Variants in NCKAP5L observed in about 807,000 individuals in gnomAD.
NCKAP5L encodes NCK associated protein 5 like.
NCKAP5L carries 54 observed loss-of-function variants against 103.2 expected under a neutral mutation model. The ratio of observed to expected loss-of-function variants is 0.52; its 90% confidence interval spans 0.42 to 0.66. The LOEUF is 0.66. Among genes scored for constraint, NCKAP5L ranks in the 30% least tolerant of loss-of-function variants. NCKAP5L has a pLI of 0.00. For missense variants in NCKAP5L, 1,733 were observed against 1,750.6 expected, an observed-to-expected ratio of 0.99 and a Z score of 0.18; for synonymous variants, 762 against 748.6, an observed-to-expected ratio of 1.02 and a Z score of -0.29.
At chr12:49,813,495 T>A (rs1448700835) in intron 1 of NCKAP5L, among the ~76,000 whole-genome samples, 1 of 152,180 alleles carries the variant, frequency 6.6e-6, no homozygotes, top group East Asian at 1.9e-4. Flanking sequence ...GGATTGTGTC[T>A]TTTTATTATC....
At chr12:49,825,941 A>T (rs1946411841) in intron 1 of NCKAP5L, among the ~76,000 whole-genome samples, 1 of 151,862 alleles carries the variant, frequency 6.6e-6, no homozygotes, top group East Asian at 1.9e-4. Context: ...GCAAGTCCCA[A>T]CCTGGAGAGC....
chr12:49,805,591 G>C (rs1226401849), intron 2 of NCKAP5L: 1 of 152,174 alleles, frequency 6.6e-6, no homozygotes, highest in Non-Finnish European at 1.5e-5. Context: ...AGAAAAATGG[G>C]GTTGGGCGTG....
chr12:49,791,807 G>A lies in NCKAP5L; in HGVS notation c.*32C>T, dbSNP rs2136987791. On this transcript the variant is annotated 3_prime_UTR_variant, in exon 13 of 13. Transcript: ENST00000335999. ...GAGCCGGTCCAGTCTGTGGTCCCCA[G>A]CTCCAGCGGGGCCGTGGCGTGGCGC... 6.6e-7 allele frequency: 1 copy of A among 1,521,176 alleles called. No individual in the cohort carries two copies. The highest frequency in any genetic ancestry group is 1.4e-5 in the African/African-American group (1 of 72,810). The allele number at this position is 1,521,176 out of a possible 1,614,324, so 94.2% of individuals were successfully genotyped here.
At chr12:49,802,676 C>T (rs949919629) in intron 5 of NCKAP5L, 2 of 494,934 alleles carry the variant, frequency 4.0e-6, no homozygotes, top group African/African-American at 1.9e-5. Flanking sequence ...GCCATTTAGG[C>T]TCACAACATC....
chr12:49,827,881 T>C (rs1447744057), intron 1 of NCKAP5L, among the ~76,000 whole-genome samples: 2 of 152,134 alleles, frequency 1.3e-5, no homozygotes, highest in East Asian at 3.9e-4. Context: ...GCGCCTGCGC[T>C]TTGGGGAGAG....
chr12:49,818,787 TA>T (rs1946328909), intron 1 of NCKAP5L, among the ~76,000 whole-genome samples: 1 of 151,996 alleles, frequency 6.6e-6, no homozygotes, highest in Non-Finnish European at 1.5e-5. Flanking sequence ...TAGAATATTA[TA>T]AAAAAGACAA....
intron 5 of NCKAP5L, 96 bp downstream of exon 5, chr12:49,802,862 G>A: frequency 1.4e-6 from 2 of 1,396,096 alleles, no homozygotes; most frequent in Non-Finnish European, 2.0e-6. Context: ...GGAATCACTG[G>A]AGGGCAACAG....
At position 49,795,961 on chromosome 12, in the gene NCKAP5L, G is replaced by A. The variant is rs376915524; in HGVS notation, c.1899C>T (p.Pro633=). The change falls in exon 8 of 13, where the codon CCC becomes CCT. Residue 633 remains proline, a synonymous_variant. Transcript: ENST00000335999. ...ATGAGTTGCCTGGGGTCCTGCGGCC[G>A]GGATGGGGAGACTCCGAGCCTGCCT... is the stretch of plus-strand genomic sequence containing the variant. ...LDKAGSESPH[P]GRRTPGNSSK... 6.7e-5 allele frequency: 103 copies of A among 1,533,348 alleles called. No homozygotes were observed. Among genetic ancestry groups the A allele is most frequent in the Admixed American group, 1.6e-4 (7 of 44,608 alleles). The allele number at this position is 1,533,348 out of a possible 1,614,324, so 95.0% of individuals were successfully genotyped here.
chr12:49,792,574 G>A lies in NCKAP5L; in HGVS notation c.3664C>T (p.Pro1222Ser). 1.2e-6 allele frequency: 2 copies of A among 1,613,766 alleles called. No individual in the cohort carries two copies. The highest frequency in any genetic ancestry group is 8.5e-7 in the Non-Finnish European group (1 of 1,179,826). The change falls in exon 12 of 13, where the codon CCA becomes TCA. Residue 1222 changes from proline (P) to serine (S), a missense_variant. Coordinates refer to ENST00000335999, the MANE Select transcript of NCKAP5L (RefSeq NM_001037806.4). The surrounding 1 kb of genome is among the most constrained non-coding windows in gnomAD (Gnocchi z 4.5). ...ETCPDDPCEDPGPTPPVQLAK... is the reference protein window; with the variant it reads ...ETCPDDPCEDSGPTPPVQLAK... ...AGCTGGACAGGAGGGGTGGGGCCTG[G>A]GTCTTCACAGGGATCTGTCCAGGAA...
At chr12:49,807,246 C>CGTGTGTGTGTGTGTGT (rs67299530) in intron 1 of NCKAP5L, among the ~76,000 whole-genome samples, 1 of 149,258 alleles carries the variant, frequency 6.7e-6, no homozygotes, top group African/African-American at 2.4e-5. Flanking sequence ...AATGCTTCTT[C>CGTGTGTGTGTGTGTGT]GTGTGTGTGT....
At chr12:49,827,519 G>A (rs1158609530) in intron 1 of NCKAP5L, among the ~76,000 whole-genome samples, 1 of 152,230 alleles carries the variant, frequency 6.6e-6, no homozygotes, top group African/African-American at 2.4e-5. Flanking sequence ...ACAGGGAGAG[G>A]GGAGCTAGGA....
chr12:49,797,108 A>G lies in NCKAP5L; in HGVS notation c.752T>C (p.Leu251Pro). The change falls in exon 8 of 13, where the codon CTG (leucine) becomes CCG (proline). Residue 251 changes from leucine (L) to proline (P), a missense_variant. Transcript: ENST00000335999. The surrounding 1 kb of genome is among the most constrained non-coding windows in gnomAD (Gnocchi z 4.5). ...GCGCTCCCAGTGCAGCAGGCCTCCC[A>G]GGTTGCCAGGGCCTAGCAGCAGGCA... Reference protein sequence around the residue: ...APCLLLGPGNLGGLLHWERLL... With the variant: ...APCLLLGPGNPGGLLHWERLL... 1 of 1,594,938 alleles carries G rather than the reference A, an allele frequency of 6.3e-7. No individual in the cohort carries two copies. The highest frequency in any genetic ancestry group is 8.5e-7 in the Non-Finnish European group (1 of 1,171,154).
At chr12:49,794,363 A>G (rs1215931823) in intron 8 of NCKAP5L, among the ~76,000 whole-genome samples, 1 of 152,124 alleles carries the variant, frequency 6.6e-6, no homozygotes, top group Non-Finnish European at 1.5e-5. Flanking sequence ...TCTTTAAACC[A>G]CAACTCCTGT....
intron 1 of NCKAP5L, among the ~76,000 whole-genome samples, chr12:49,818,203 CA>C (rs1257981877): frequency 1.3e-5 from 2 of 151,436 alleles, no homozygotes; most frequent in Non-Finnish European, 2.9e-5. Flanking sequence ...AAATAAAATA[CA>C]GGGTAAAAAC....
At chr12:49,800,339 C>G (rs537500523) in intron 6 of NCKAP5L, among the ~76,000 whole-genome samples, 1 of 152,388 alleles carries the variant, frequency 6.6e-6, no homozygotes. Context: ...CCTCCCTGAG[C>G]TCCCAACAGT....
chr12:49,826,104 T>C (rs981444498), intron 1 of NCKAP5L, among the ~76,000 whole-genome samples: 64 of 151,796 alleles, frequency 4.2e-4, no homozygotes, highest in Non-Finnish European at 7.1e-4. Context: ...CCTTAGCCCC[T>C]TGCCTGGGAC....
intron 7 of NCKAP5L, 106 bp downstream of exon 7, chr12:49,798,244 A>T: frequency 9.2e-7 from 1 of 1,088,776 alleles, no homozygotes; most frequent in Non-Finnish European, 1.4e-6. Context: ...TCGGCTGCTC[A>T]CACTTCCAGC....
At chr12:49,822,342 T>C (rs1458057014) in intron 1 of NCKAP5L, among the ~76,000 whole-genome samples, 3 of 152,114 alleles carry the variant, frequency 2.0e-5, no homozygotes, top group Non-Finnish European at 2.9e-5. Context: ...AGAGCCGACA[T>C]AGGCGGCAGG....
rs761547348 is a variant in NCKAP5L at position 49,793,828 on chromosome 12, G to A, written c.3164C>T (p.Pro1055Leu). Reference sequence around the variant, plus strand: ...GGGGCTCTTGGGGTCAGAAGACACCGGCTGGAAATCCCCGTACTCAGGCTT... The same window carrying A: ...GGGGCTCTTGGGGTCAGAAGACACCAGCTGGAAATCCCCGTACTCAGGCTT... ...EPKPEYGDFQ[P>L]VSSDPKSPWP... The change falls in exon 9 of 13, where the codon CCG becomes CTG. Residue 1055 changes from proline to leucine, a missense_variant. Transcript: ENST00000335999. 3.6e-5 allele frequency: 58 copies of A among 1,591,764 alleles called. No individual in the cohort carries two copies. The highest frequency in any genetic ancestry group is 3.3e-4 in the Middle Eastern group (2 of 6,048).
Sources: allele counts gnomAD v4.1 joint callset (sites outside exome capture counted in the v4.1 genomes callset), GRCh38; gene constraint gnomAD v4.1.1; non-coding constraint Gnocchi (gnomAD v3.1); transcripts MANE v1.5; gene names NCBI Gene and HGNC (gene_info 2026-07-23, HGNC 2026-07-21).